The following MUSK variants were observed in gnomAD, a reference collection of about 807,000 sequenced individuals.
The protein encoded by MUSK is muscle, skeletal receptor tyrosine-protein kinase.
Under a neutral mutation model 88.7 loss-of-function variants are expected in MUSK, and 55 were observed. That is an observed-to-expected ratio of 0.62 (90% CI 0.50 to 0.78). The LOEUF (loss-of-function observed/expected upper bound fraction) is 0.78. Ranked by LOEUF, MUSK falls within the 30% of genes least tolerant of loss-of-function variation. The pLI, the probability that MUSK is intolerant of heterozygous loss-of-function variation, is 0.00. For missense variants in MUSK, 1,015 were observed against 1,074.3 expected, an observed-to-expected ratio of 0.94 and a Z score of 0.77; for synonymous variants, 387 against 391.9, an observed-to-expected ratio of 0.99 and a Z score of 0.15.
rs2078150459 is a variant in MUSK, at chr9:110,805,552, G to A, written c.*4564G>A. Among the ~76,000 whole-genome samples, 1 of 151,814 alleles carries A rather than the reference G, an allele frequency of 6.6e-6. No individual in the cohort carries two copies. Among genetic ancestry groups the A allele is most frequent in the South Asian group, 2.1e-4 (1 of 4,824 alleles). ...TTTGTAAGAGCACTTTATATATTAAGGAGTTAAATTTTGTGATATATGTTT... is the reference window on the plus strand; with the variant it reads ...TTTGTAAGAGCACTTTATATATTAAAGAGTTAAATTTTGTGATATATGTTT... On this transcript the variant is annotated 3_prime_UTR_variant, in exon 15 of 15. Coordinates refer to ENST00000374448, the MANE Select transcript of MUSK (RefSeq NM_005592.4).
At chr9:110,759,494 G>A (rs1378378452) in intron 7 of MUSK, among the ~76,000 whole-genome samples, 2 of 152,160 alleles carry the variant, frequency 1.3e-5, no homozygotes, top group South Asian at 2.1e-4. Context: ...AAACTTAAGA[G>A]CTTCTACATA....
chr9:110,723,547 C>T lies in MUSK; in HGVS notation c.629-10704C>T, dbSNP rs934576186. On this transcript the variant is annotated intron_variant, in intron 5 of 14. Coordinates refer to ENST00000374448, the MANE Select transcript of MUSK (RefSeq NM_005592.4). ...TTACCCTGCTCAGGTGATGGGTGCACCAAAATCTCAGAAATGAAAAAATTT... is the reference window on the plus strand; with the variant it reads ...TTACCCTGCTCAGGTGATGGGTGCATCAAAATCTCAGAAATGAAAAAATTT... Among the ~76,000 whole-genome samples, 5 of 151,852 alleles carry T rather than the reference C, an allele frequency of 3.3e-5. No individual in the cohort carries two copies. The East Asian group carries it at 9.7e-4, about 29-fold the overall frequency.
intron 5 of MUSK, among the ~76,000 whole-genome samples, chr9:110,705,699 C>A (rs766607125): frequency 2.0e-5 from 3 of 152,144 alleles, no homozygotes; most frequent in African/African-American, 7.2e-5. Context: ...AGGGAAGCAC[C>A]GCTAGGTAAG....
At chr9:110,727,129 G>T (rs2076896104) in intron 5 of MUSK, among the ~76,000 whole-genome samples, 1 of 152,046 alleles carries the variant, frequency 6.6e-6, no homozygotes, top group Admixed American at 6.6e-5. Context: ...AATAGTTTTT[G>T]AACTTGATGC....
chr9:110,711,041 T>C (rs1031239008), intron 5 of MUSK, among the ~76,000 whole-genome samples: 13 of 152,070 alleles, frequency 8.5e-5, no homozygotes, highest in Admixed American at 3.9e-4. Flanking sequence ...TAGGTGGGAA[T>C]TGAACAATGA....
At chr9:110,769,664 T>C (rs13294451) in intron 9 of MUSK, among the ~76,000 whole-genome samples, 6,217 of 152,248 alleles carry the variant, frequency 0.041, 343 homozygotes, top group African/African-American at 0.12. Context: ...TTCTCCAAAA[T>C]TGTTTATTTG....
At chr9:110,765,290 C>T (rs2077463475) in intron 8 of MUSK, among the ~76,000 whole-genome samples, 1 of 152,118 alleles carries the variant, frequency 6.6e-6, no homozygotes, top group Non-Finnish European at 1.5e-5. Context: ...TAAAGAGTCA[C>T]ACATGCTCTT....
At chr9:110,704,626 T>A (rs2076572499) in intron 5 of MUSK, among the ~76,000 whole-genome samples, 1 of 152,210 alleles carries the variant, frequency 6.6e-6, no homozygotes, top group African/African-American at 2.4e-5. Context: ...AAGAACAGTA[T>A]ATCTTATTAT....
chr9:110,756,976 A>G (rs961125258), intron 7 of MUSK, among the ~76,000 whole-genome samples: 1 of 152,096 alleles, frequency 6.6e-6, no homozygotes, highest in African/African-American at 2.4e-5. Flanking sequence ...AAAATAAATA[A>G]ATACAAGGGG....
chr9:110,698,268 CT>C (rs984084621), intron 5 of MUSK, among the ~76,000 whole-genome samples: 4 of 152,194 alleles, frequency 2.6e-5, no homozygotes, highest in African/African-American at 9.6e-5. Context: ...GGGGTTTGCT[CT>C]ATTTAATGAA....
rs1193418561 is a variant in MUSK at position 110,806,219 on chromosome 9, C to G, written c.*5231C>G. On this transcript the variant is annotated 3_prime_UTR_variant, in exon 15 of 15. Transcript: ENST00000374448. ...TTTAAAAATATGCAGCACTCTGACT[C>G]AAACTCCCTTTCTTTTTCCTGAGAT... 6.6e-6 allele frequency among the ~76,000 whole-genome samples: 1 copy of G among 152,082 alleles called. No individual in the cohort carries two copies. Among genetic ancestry groups the G allele is most frequent in the Non-Finnish European group, 1.5e-5 (1 of 67,982 alleles).
chr9:110,706,102 G>T (rs1174551655), intron 5 of MUSK: 1 of 531,122 alleles, frequency 1.9e-6, no homozygotes, highest in Admixed American at 1.9e-5. Context: ...CACCCAGTTT[G>T]TGGCTTCTGC....
intron 3 of MUSK, among the ~76,000 whole-genome samples, chr9:110,692,939 A>C (rs548398023): frequency 6.6e-6 from 1 of 152,228 alleles, no homozygotes; most frequent in Admixed American, 6.5e-5. Flanking sequence ...TGATCATAAT[A>C]AATATACATG....
intron 5 of MUSK, among the ~76,000 whole-genome samples, chr9:110,701,043 T>C (rs1456003416): frequency 6.6e-6 from 1 of 152,188 alleles, no homozygotes; most frequent in Non-Finnish European, 1.5e-5. Flanking sequence ...GTTCTTATGG[T>C]CTCTATTTCC....
At chr9:110,764,631 A>ATAGATAGG (rs1385382493) in intron 8 of MUSK, among the ~76,000 whole-genome samples, 1 of 139,060 alleles carries the variant, frequency 7.2e-6, no homozygotes, top group East Asian at 2.4e-4. Context: ...AGATAGATAG[A>ATAGATAGG]TAGATAGGTA....
chr9:110,718,548 A>G (rs976706171), intron 5 of MUSK, among the ~76,000 whole-genome samples: 4 of 152,166 alleles, frequency 2.6e-5, no homozygotes, highest in African/African-American at 7.2e-5. Context: ...AATAATTTTT[A>G]AAAATGGACA....
At chr9:110,703,289 A>C (rs11999292) in intron 5 of MUSK, among the ~76,000 whole-genome samples, 72,868 of 152,036 alleles carry the variant, frequency 0.48, 18,096 homozygotes, top group East Asian at 0.86. Flanking sequence ...GTAATCCCAG[A>C]ACTTTGGGAG....
chr9:110,747,965 T>C (rs544648534), intron 7 of MUSK, 165 bp downstream of exon 7: 75 of 992,844 alleles, frequency 7.6e-5, no homozygotes, highest in Admixed American at 3.0e-4. Flanking sequence ...GACCTAGATA[T>C]GGATTTTGGC....
At chr9:110,759,711 T>A (rs940192643) in intron 7 of MUSK, among the ~76,000 whole-genome samples, 4 of 152,138 alleles carry the variant, frequency 2.6e-5, no homozygotes, top group African/African-American at 9.7e-5. Flanking sequence ...CCAACAAGCA[T>A]ATGAAAAAAT....
Sources: allele counts gnomAD v4.1 joint callset (sites outside exome capture counted in the v4.1 genomes callset), GRCh38; gene constraint gnomAD v4.1.1; transcripts MANE v1.5; gene names NCBI Gene and HGNC (gene_info 2026-07-23, HGNC 2026-07-21).